The following SMARCA4 variants were observed in gnomAD, a reference collection of about 807,000 sequenced individuals.
SMARCA4 encodes SWI/SNF related BAF chromatin remodeling complex subunit ATPase 4, also known as SWI/SNF-related matrix-associated actin-dependent regulator of chromatin subfamily A member 4.
A neutral mutation model predicts 193.9 loss-of-function variants in SMARCA4; 31 were observed. The ratio of observed to expected loss-of-function variants is 0.16; its 90% CI spans 0.12 to 0.22. The LOEUF (loss-of-function observed/expected upper bound fraction) is 0.22. SMARCA4 is among the 10% of genes least tolerant of loss of function. SMARCA4 has a pLI of 1.00. For missense variants in SMARCA4, 1,148 were observed against 2,296.0 expected, an observed-to-expected ratio of 0.50 and a Z score of 10.22; for synonymous variants, 942 against 933.1, an observed-to-expected ratio of 1.01 and a Z score of -0.17.
At chr19:11,046,345 C>T (rs1480656386) in intron 30 of SMARCA4, among the ~76,000 whole-genome samples, 3 of 152,102 alleles carry the variant, frequency 2.0e-5, no homozygotes, top group Non-Finnish European at 2.9e-5. Flanking sequence ...AAGAGGACAC[C>T]AACATTTCAG....
intron 1 of SMARCA4, among the ~76,000 whole-genome samples, chr19:10,980,223 T>C (rs114827466): frequency 0.012 from 1,818 of 152,262 alleles, 35 homozygotes; most frequent in African/African-American, 0.041. Context: ...CCCGCGTTCC[T>C]GTTTCACTGC....
At chr19:11,008,987 A>AG (rs2088524480) in intron 14 of SMARCA4, among the ~76,000 whole-genome samples, 2 of 140,332 alleles carry the variant, frequency 1.4e-5, no homozygotes, top group Non-Finnish European at 3.0e-5. Flanking sequence ...AAAAAAAAAA[A>AG]TGTAGGTGGA....
At position 11,013,129 on chromosome 19, in the gene SMARCA4, A is replaced by G; in HGVS notation, c.2438+17A>G. 6.2e-7 allele frequency: 1 copy of G among 1,613,778 alleles called. No homozygotes were observed. The highest frequency in any genetic ancestry group is 8.5e-7 in the Non-Finnish European group (1 of 1,179,800). ...GCCTCTCTCGTGAGTACCCGCTGCC[A>G]GCAACATCCCACACGCCGCTCACAC... On this transcript the variant is annotated intron_variant, in intron 16 of 34. Transcript: ENST00000344626.
intron 29 of SMARCA4, among the ~76,000 whole-genome samples, chr19:11,037,336 G>T (rs1009080339): frequency 6.6e-6 from 1 of 152,054 alleles, no homozygotes; most frequent in Non-Finnish European, 1.5e-5. Flanking sequence ...TCCCTCGCCC[G>T]CTGATTCTAG....
At position 10,986,546 on chromosome 19, in the gene SMARCA4, C is replaced by G. The variant is rs2086056523; in HGVS notation, c.713C>G (p.Pro238Arg). The change falls in exon 4 of 35, where the codon CCC becomes CGC. Residue 238 changes from proline (P) to arginine (R), a missense_variant. Coordinates refer to ENST00000344626, the MANE Select transcript of SMARCA4 (RefSeq NM_003072.5). The surrounding 1 kb of genome is among the most constrained non-coding windows in gnomAD (Gnocchi z 6.7). ...TGPGPGPGPGPGPGPGPAPPN... is the reference protein window; with the variant it reads ...TGPGPGPGPGRGPGPGPAPPN... ...CCCGGCCCTGGCCCTGGCCCTGGCC[C>G]CGGCCCGGGTCCCGGCCCGGCACCT... 1.3e-6 allele frequency: 2 copies of G among 1,539,920 alleles called. No individual in the cohort carries two copies. Among genetic ancestry groups the G allele is most frequent in the Non-Finnish European group, 1.7e-6 (2 of 1,146,582 alleles).
chr19:11,024,069 G>C (rs1287173817), intron 20 of SMARCA4, among the ~76,000 whole-genome samples: 1 of 152,212 alleles, frequency 6.6e-6, no homozygotes, highest in Admixed American at 6.5e-5. Context: ...TTGTTTCCTG[G>C]CTGGCTGTAG....
At position 11,059,803 on chromosome 19, in the gene SMARCA4, G is replaced by A. The variant is rs1600643911; in HGVS notation, c.4686G>A (p.Gln1562=). The change falls in exon 33 of 35, where the codon CAG becomes CAA. Residue 1562 remains glutamine, a synonymous_variant. Transcript: ENST00000344626. ...AGTCGGTCTTCACCAGCGTGCGGCA[G>A]AAAATCGAGAAGGAGGATGACAGTG... ...VLQSVFTSVR[Q]KIEKEDDSEG... The A allele has an allele frequency of 6.2e-7, 1 of 1,610,716 alleles. No homozygotes were observed. The highest frequency in any genetic ancestry group is 8.5e-7 in the Non-Finnish European group (1 of 1,178,432).
chr19:10,985,242 T>G lies in SMARCA4; in HGVS notation c.223-31T>G, dbSNP rs2145746344. On this transcript the variant is annotated intron_variant, in intron 2 of 34. Transcript: ENST00000344626. The surrounding 1 kb of genome is among the most constrained non-coding windows in gnomAD (Gnocchi z 4.5). The stretch of plus-strand genomic sequence containing the variant: ...CGCTGCCACCTCACGTTCCACATGC[T>G]GACCCTGCCTTGCCATGGTCCCTCT... The G allele has an allele frequency of 6.2e-7, 1 of 1,613,552 alleles. No homozygotes were observed. The highest frequency in any genetic ancestry group is 8.5e-7 in the Non-Finnish European group (1 of 1,179,826).
intron 18 of SMARCA4, chr19:11,020,604 A>T (rs1211240042): frequency 6.6e-6 from 1 of 151,548 alleles, no homozygotes; most frequent in African/African-American, 2.4e-5. Flanking sequence ...TTTTATGGAG[A>T]TGGGGTCTTG....
chr19:11,050,033 A>G (rs1177901042), intron 30 of SMARCA4, among the ~76,000 whole-genome samples: 1 of 152,060 alleles, frequency 6.6e-6, no homozygotes, highest in Non-Finnish European at 1.5e-5. Context: ...ACCCAGGAGG[A>G]GGTTTCGGTG....
chr19:11,000,679 G>A (rs2087546211), intron 11 of SMARCA4, among the ~76,000 whole-genome samples: 1 of 152,004 alleles, frequency 6.6e-6, no homozygotes, highest in South Asian at 2.1e-4. Context: ...AGGAGTTCGA[G>A]ACCAGTCTGG....
intron 30 of SMARCA4, among the ~76,000 whole-genome samples, chr19:11,056,981 C>G (rs528136895): frequency 2.0e-5 from 3 of 152,376 alleles, no homozygotes; most frequent in Middle Eastern, 3.4e-3. Context: ...CATGGGCGGG[C>G]TGCCCTGCCC....
At chr19:10,973,795 T>C (rs1318389378) in intron 1 of SMARCA4, among the ~76,000 whole-genome samples, 1 of 152,120 alleles carries the variant, frequency 6.6e-6, no homozygotes, top group Non-Finnish European at 1.5e-5. Flanking sequence ...GGTCTCGATC[T>C]CCTGACCCTC....
chr19:11,039,543 G>A lies in SMARCA4; in HGVS notation c.4171-1764G>A, dbSNP rs775807962. 11 of 1,596,902 alleles carry A rather than the reference G, an allele frequency of 6.9e-6. No homozygotes were observed. Among genetic ancestry groups the A allele is most frequent in the East Asian group, 4.6e-5 (2 of 43,924 alleles). ...CAGCGTGGCCTTCAGTTCTGCACAC[G>A]TGCGTCAAAGGTGGGGAGAGTTCTG... On this transcript the variant is annotated intron_variant, in intron 29 of 34. Coordinates refer to ENST00000344626, the MANE Select transcript of SMARCA4 (RefSeq NM_003072.5).
rs765948042 is a variant in SMARCA4 at position 11,041,603 on chromosome 19, G to A, written c.4424+43G>A. The stretch of plus-strand genomic sequence containing the variant: ...GAGGGCGGGGGCTGTAGGGGTCCCC[G>A]TGGGAGCAGGCCTGGCATCTGCACT... On this transcript the variant is annotated intron_variant, in intron 30 of 34. Transcript: ENST00000344626. The surrounding 1 kb of genome is among the most constrained non-coding windows in gnomAD (Gnocchi z 5.6). 9 of 1,585,888 alleles carry A rather than the reference G, an allele frequency of 5.7e-6. No individual in the cohort carries two copies. Among genetic ancestry groups the A allele is most frequent in the African/African-American group, 4.0e-5 (3 of 74,508 alleles).
At chr19:10,991,347 C>T (rs2145884207) in intron 8 of SMARCA4, 24 bp downstream of exon 8, 1 of 1,567,964 alleles carries the variant, frequency 6.4e-7, no homozygotes, top group East Asian at 2.4e-5. Context: ...GCCCCAAGGC[C>T]CTGCAGCCCG....
At chr19:10,989,539 C>A (rs2145854179) in intron 7 of SMARCA4, 96 bp downstream of exon 7, 1 of 1,424,284 alleles carries the variant, frequency 7.0e-7, no homozygotes, top group Non-Finnish European at 9.8e-7. Context: ...TAGTATTACA[C>A]CTGCCTGGGC....
chr19:10,999,220 T>G (rs2087388039), intron 11 of SMARCA4, among the ~76,000 whole-genome samples: 1 of 152,148 alleles, frequency 6.6e-6, no homozygotes, highest in Non-Finnish European at 1.5e-5. Context: ...TTCGTATTAT[T>G]ACAGAAGAAT....
At chr19:10,996,687 C>G in intron 11 of SMARCA4, 143 bp downstream of exon 11, 3 of 801,790 alleles carry the variant, frequency 3.7e-6, no homozygotes, top group Non-Finnish European at 6.4e-6. Context: ...CTCTGACGCC[C>G]ATCCCACCCG....
Sources: allele counts gnomAD v4.1 joint callset (sites outside exome capture counted in the v4.1 genomes callset), GRCh38; gene constraint gnomAD v4.1.1; non-coding constraint Gnocchi (gnomAD v3.1); transcripts MANE v1.5; gene names NCBI Gene and HGNC (gene_info 2026-07-23, HGNC 2026-07-21).